Variants in KLF12 observed in about 807,000 individuals in gnomAD.
The protein encoded by KLF12 is Krueppel-like factor 12.
KLF12 carries 9 observed loss-of-function variants against 37.8 expected under a neutral mutation model. That is an observed-to-expected ratio of 0.24 (90% CI 0.14 to 0.42). KLF12 has a LOEUF of 0.42. KLF12 is among the 10% of genes least tolerant of loss of function. KLF12 has a pLI of 1.00. For synonymous variants in KLF12, 208 were observed against 202.1 expected, an observed-to-expected ratio of 1.03 and a Z score of -0.25; for missense variants, 411 against 516.0, an observed-to-expected ratio of 0.80 and a Z score of 1.97.
chr13:74,270,756 C>G, the KLF12 span, among the ~76,000 whole-genome samples: 1 of 152,114 alleles, frequency 6.6e-6, no homozygotes, highest in Non-Finnish European at 1.5e-5. Context: ...CCTGCGAACC[C>G]TGGAGCTTGG....
At chr13:73,991,536 T>A (rs544565323) in intron 2 of KLF12, among the ~76,000 whole-genome samples, 12 of 152,340 alleles carry the variant, frequency 7.9e-5, no homozygotes, top group African/African-American at 2.6e-4. Flanking sequence ...AATGTCCTTT[T>A]TTCACACCCA....
At chr13:74,215,027 C>T in the KLF12 span, among the ~76,000 whole-genome samples, 2 of 152,100 alleles carry the variant, frequency 1.3e-5, no homozygotes, top group Admixed American at 6.5e-5. Flanking sequence ...CTCCTGACTT[C>T]AGGAGATCCA....
chr13:74,166,029 C>A, the KLF12 span, among the ~76,000 whole-genome samples: 1 of 150,242 alleles, frequency 6.7e-6, no homozygotes, highest in Non-Finnish European at 1.5e-5. Flanking sequence ...TGTTTAATTG[C>A]TGGTTGTTAG....
chr13:73,802,497 G>C (rs1405030594), intron 5 of KLF12, among the ~76,000 whole-genome samples: 3 of 151,262 alleles, frequency 2.0e-5, no homozygotes, highest in Non-Finnish European at 4.4e-5. Flanking sequence ...CAGATTTAGG[G>C]GCAACAATGT....
chr13:73,730,975 A>G (rs1877015464), intron 6 of KLF12, among the ~76,000 whole-genome samples: 1 of 152,196 alleles, frequency 6.6e-6, no homozygotes, highest in Admixed American at 6.5e-5. Context: ...ATTCTGGCTT[A>G]TGACAGTAAG....
chr13:73,836,678 T>C (rs993537938), intron 4 of KLF12, among the ~76,000 whole-genome samples: 2 of 152,190 alleles, frequency 1.3e-5, no homozygotes, highest in East Asian at 1.9e-4. Flanking sequence ...AATTCCAGGA[T>C]AGAAAAAATT....
At chr13:74,215,574 A>G in the KLF12 span, among the ~76,000 whole-genome samples, 1 of 152,072 alleles carries the variant, frequency 6.6e-6, no homozygotes, top group Non-Finnish European at 1.5e-5. Context: ...AAAGGTCCTG[A>G]ACATCCTGAT....
chr13:73,810,292 T>C (rs1882856772), intron 5 of KLF12, among the ~76,000 whole-genome samples: 1 of 151,914 alleles, frequency 6.6e-6, no homozygotes, highest in Non-Finnish European at 1.5e-5. Context: ...TAAGCTCCAG[T>C]TCCTGAGGTT....
At chr13:74,155,655 GC>G in the KLF12 span, among the ~76,000 whole-genome samples, 6,070 of 152,196 alleles carry the variant, frequency 0.04, 161 homozygotes, top group Middle Eastern at 0.1. Context: ...GAACCACCAC[GC>G]CCAGCCTGTA....
intron 6 of KLF12, among the ~76,000 whole-genome samples, chr13:73,726,128 T>C (rs1415295448): frequency 3.3e-5 from 5 of 152,076 alleles, no homozygotes; most frequent in African/African-American, 4.8e-5. Flanking sequence ...GCTGGGATTA[T>C]AGGCGTGAGT....
chr13:74,221,843 G>T, the KLF12 span, among the ~76,000 whole-genome samples: 1 of 152,180 alleles, frequency 6.6e-6, no homozygotes, highest in African/African-American at 2.4e-5. Flanking sequence ...AGTCTACTCT[G>T]TGTGAGGACC....
intron 3 of KLF12, among the ~76,000 whole-genome samples, chr13:73,895,610 AAAAT>A (rs1333425451): frequency 1.3e-5 from 2 of 152,286 alleles, no homozygotes; most frequent in African/African-American, 4.8e-5. Context: ...AACCATATAT[AAAAT>A]AAAGAGTGGG....
At chr13:73,967,361 G>A (rs1383761667) in intron 2 of KLF12, among the ~76,000 whole-genome samples, 7 of 152,190 alleles carry the variant, frequency 4.6e-5, no homozygotes, top group East Asian at 1.9e-4. Flanking sequence ...AACAAATAAC[G>A]CATGGTGTAT....
chr13:73,798,130 A>G (rs1209376803), intron 5 of KLF12, among the ~76,000 whole-genome samples: 1 of 152,144 alleles, frequency 6.6e-6, no homozygotes, highest in Non-Finnish European at 1.5e-5. Flanking sequence ...TCTCTTACCA[A>G]AGAAATTATT....
At chr13:73,996,387 T>G (rs920602865) in intron 1 of KLF12, among the ~76,000 whole-genome samples, 5 of 152,250 alleles carry the variant, frequency 3.3e-5, no homozygotes, top group African/African-American at 1.2e-4. Flanking sequence ...CAAAGATGTT[T>G]TGTCCTTTCT....
At chr13:74,017,391 T>C (rs1297323287) in intron 1 of KLF12, among the ~76,000 whole-genome samples, 1 of 151,740 alleles carries the variant, frequency 6.6e-6, no homozygotes, top group Non-Finnish European at 1.5e-5. Context: ...AGTCATTTGA[T>C]TCTATTTGAG....
chr13:74,046,578 T>C (rs1893552434), intron 1 of KLF12, among the ~76,000 whole-genome samples: 1 of 152,150 alleles, frequency 6.6e-6, no homozygotes, highest in South Asian at 2.1e-4. Flanking sequence ...TGAACAACTA[T>C]GTCACTGGGT....
the KLF12 span, among the ~76,000 whole-genome samples, chr13:74,220,651 C>T: frequency 3.7e-4 from 56 of 152,284 alleles, no homozygotes; most frequent in East Asian, 5.8e-3. Context: ...TGAAATTTTG[C>T]GTCTTTCGAT....
intron 2 of KLF12, among the ~76,000 whole-genome samples, chr13:73,992,327 G>T (rs1891990386): frequency 6.6e-6 from 1 of 152,206 alleles, no homozygotes; most frequent in African/African-American, 2.4e-5. Context: ...TGGACAACAG[G>T]AATCTTTTTA....
Sources: gnomAD v4.1 joint callset for allele counts (sites outside exome capture counted in the v4.1 genomes callset) on GRCh38, gnomAD v4.1.1 for gene constraint, MANE v1.5 for transcripts, NCBI Gene and HGNC (gene_info 2026-07-23, HGNC 2026-07-21) for gene names.